The following RELN variants were observed in gnomAD, a reference collection of about 807,000 sequenced individuals.
The protein encoded by RELN is reelin.
RELN carries 108 observed loss-of-function variants against 427.6 expected under a neutral mutation model. The observed-to-expected ratio is 0.25, with a 90% CI of 0.22 to 0.30. RELN has a LOEUF of 0.30. Ranked by LOEUF, RELN falls within the 10% of genes least tolerant of loss-of-function variation. The probability of loss-of-function intolerance (pLI) is 1.00; values close to 1 mark genes in which losing one functional copy is unlikely to be tolerated. For synonymous variants in RELN, 1,524 were observed against 1,513.4 expected, an observed-to-expected ratio of 1.01 and a Z score of -0.16; for missense variants, 3,715 against 4,302.8, an observed-to-expected ratio of 0.86 and a Z score of 3.82.
intron 57 of RELN, among the ~76,000 whole-genome samples, chr7:103,494,828 T>C (rs2528870): frequency 0.1 from 15,827 of 151,960 alleles, 1,238 homozygotes; most frequent in African/African-American, 0.22. Context: ...ACAGGACTAA[T>C]GTAGTATAGG....
rs362707 is a variant in RELN, at chr7:103,535,605, C to T, written c.7181-121G>A. ...AAATGTCAGTTTGATTTTTTCCCTA[C>T]ACTTATATTTCCTGCTTTGAAATGC... On this transcript the variant is annotated intron_variant, in intron 45 of 64. Coordinates refer to ENST00000428762, the MANE Select transcript of RELN (RefSeq NM_005045.4). 615,827 of 889,692 alleles carry T rather than the reference C, an allele frequency of 0.69. 216,583 individuals carry two copies. The highest frequency in any genetic ancestry group is 0.73 in the Non-Finnish European group (414,566 of 567,482). The allele number at this position is 889,692 out of a possible 1,614,324, so 55.1% of individuals were successfully genotyped here. A position where few individuals can be genotyped will look rare whatever the true frequency, so the allele number is the denominator to read the frequency against.
At chr7:103,494,832 G>C (rs1003943673) in intron 57 of RELN, among the ~76,000 whole-genome samples, 8 of 151,968 alleles carry the variant, frequency 5.3e-5, no homozygotes, top group Admixed American at 6.6e-5. Context: ...GACTAATGTA[G>C]TATAGGCATA....
chr7:103,561,143 T>C (rs1229245926), intron 36 of RELN, among the ~76,000 whole-genome samples: 1 of 152,112 alleles, frequency 6.6e-6, no homozygotes, highest in Non-Finnish European at 1.5e-5. Flanking sequence ...CAAATGGTTC[T>C]ATTGGCAGAA....
intron 8 of RELN, among the ~76,000 whole-genome samples, chr7:103,713,193 T>C (rs1355633023): frequency 2.6e-5 from 4 of 152,214 alleles, no homozygotes; most frequent in Non-Finnish European, 5.9e-5. Flanking sequence ...CAGAACCTTA[T>C]TGAGGATTCC....
chr7:103,493,834 T>C (rs1828743908), intron 57 of RELN, among the ~76,000 whole-genome samples: 1 of 152,114 alleles, frequency 6.6e-6, no homozygotes, highest in African/African-American at 2.4e-5. Flanking sequence ...AAACTGTTGA[T>C]ATTGGGTACG....
intron 10 of RELN, among the ~76,000 whole-genome samples, chr7:103,684,085 T>C (rs1833710984): frequency 6.6e-6 from 1 of 152,186 alleles, no homozygotes; most frequent in South Asian, 2.1e-4. Flanking sequence ...GGGATGGTCT[T>C]AGTGAAACCA....
At chr7:103,773,368 TCC>T (rs35347728) in intron 4 of RELN, among the ~76,000 whole-genome samples, 15,117 of 39,896 alleles carry the variant, frequency 0.38, 4,930 homozygotes, top group South Asian at 0.59. Context: ...TCTCTCTCTC[TCC>T]CTCCCTCCCT....
chr7:103,923,968 C>A (rs192033445), intron 1 of RELN, among the ~76,000 whole-genome samples: 1 of 152,078 alleles, frequency 6.6e-6, no homozygotes, highest in African/African-American at 2.4e-5. Context: ...TATAATTATA[C>A]CCCTTTTACC....
chr7:103,489,877 G>C lies in RELN; in HGVS notation c.9628C>G (p.Gln3210Glu), dbSNP rs757568270. ...SSSATQFRWIQKGEETEKQSW... is the reference protein window; with the variant it reads ...SSSATQFRWIEKGEETEKQSW... ...TGCTTCTCAGTTTCTTCTCCCTTCT[G>C]GATCCAGCGGAACTGTGTTGCACTG... is the stretch of plus-strand genomic sequence containing the variant. Residue 3210 changes from glutamine (Q) to glutamate (E), a missense_variant, in exon 60 of 65, where the codon CAG becomes GAG. Gln to Glu is a conservative substitution (Grantham distance 29). Coordinates refer to ENST00000428762, the MANE Select transcript of RELN (RefSeq NM_005045.4). The C allele has an allele frequency of 2.5e-6, 4 of 1,614,018 alleles. No individual in the cohort carries two copies. In the African/African-American group the frequency reaches 5.3e-5, roughly 22 times the overall value.
intron 3 of RELN, among the ~76,000 whole-genome samples, chr7:103,801,766 GA>G (rs1792474247): frequency 4.0e-5 from 6 of 151,238 alleles, no homozygotes; most frequent in Non-Finnish European, 7.4e-5. Flanking sequence ...CCCCACTAAT[GA>G]TAGTACCCAC....
intron 1 of RELN, among the ~76,000 whole-genome samples, chr7:103,982,298 T>C (rs1446241715): frequency 6.6e-6 from 1 of 152,086 alleles, no homozygotes; most frequent in Admixed American, 6.5e-5. Flanking sequence ...AGTTAAAAAA[T>C]ACTCACCTCC....
chr7:103,824,907 G>A lies in RELN; in HGVS notation c.473+8630C>T, dbSNP rs543744888. 6.6e-6 allele frequency among the ~76,000 whole-genome samples: 1 copy of A among 152,080 alleles called. No homozygotes were observed. Among genetic ancestry groups the A allele is most frequent in the African/African-American group, 2.4e-5 (1 of 41,484 alleles). On this transcript the variant is annotated intron_variant, in intron 3 of 64. Transcript: ENST00000428762. The surrounding 1 kb of genome is among the most constrained non-coding windows in gnomAD (Gnocchi z 4.4). ...AAAAGAAATATAGAGTGGTAGTATA[G>A]GATGGTGGTTTAAAGAACACGTTTT...
intron 3 of RELN, among the ~76,000 whole-genome samples, chr7:103,798,525 C>T (rs768650843): frequency 3.3e-5 from 5 of 152,128 alleles, no homozygotes; most frequent in Non-Finnish European, 5.9e-5. Flanking sequence ...AAGAATATAG[C>T]GGTTTGGCCT....
rs147914393 is a variant in RELN, at chr7:103,852,435, C to T, written c.338-18763G>A. On this transcript the variant is annotated intron_variant, in intron 2 of 64. Transcript: ENST00000428762. ...TGTCCTTTGGTAAATTATATGTAAA[C>T]TCTCCATGCTTCTCTTTTCTCACAT... 8.5e-3 allele frequency among the ~76,000 whole-genome samples: 1,293 copies of T among 152,280 alleles called. 8 individuals are homozygous for T. Among genetic ancestry groups the T allele is most frequent in the Non-Finnish European group, 0.012 (827 of 67,986 alleles).
At position 103,723,139 on chromosome 7, in the gene RELN, C is replaced by T. The variant is rs1246873642; in HGVS notation, c.805+1G>A. ...CGTTATAACTGCTAAAAAACACTTA[C>T]CAATGGAAAATTGGAGGACAGAAGC... On this transcript the variant is annotated splice_donor_variant, in intron 8 of 64. Coordinates refer to ENST00000428762, the MANE Select transcript of RELN (RefSeq NM_005045.4). LOFTEE classifies it high-confidence loss of function. 6.3e-7 allele frequency: 1 copy of T among 1,585,438 alleles called. No individual in the cohort carries two copies. Among genetic ancestry groups the T allele is most frequent in the Non-Finnish European group, 8.7e-7 (1 of 1,154,432 alleles).
Position 103,652,615 on chromosome 7 carries a change from T to C in RELN, c.1699A>G (p.Thr567Ala), listed in dbSNP as rs1832944054. The C allele has an allele frequency of 1.2e-6, 2 of 1,612,758 alleles. No individual in the cohort carries two copies. Among genetic ancestry groups the C allele is most frequent in the African/African-American group, 1.3e-5 (1 of 74,812 alleles). The change falls in exon 14 of 65, where the codon ACA becomes GCA. Residue 567 changes from threonine to alanine, a missense_variant. Physicochemically the swap from Thr to Ala is moderately conservative, Grantham distance 58. Coordinates refer to ENST00000428762, the MANE Select transcript of RELN (RefSeq NM_005045.4). The part of the protein sequence containing the change: ...FFHVLPVLPS[T>A]MSHMIQFSIN... Reference sequence around the variant, plus strand: ...GAAAACTGTATCATGTGAGACATTGTAGAAGGGAGAACAGGCAAGACATGG... The same window carrying C: ...GAAAACTGTATCATGTGAGACATTGCAGAAGGGAGAACAGGCAAGACATGG...
rs1795500406 is a variant in RELN at position 103,917,123 on chromosome 7, T to C, written c.289A>G (p.Ser97Gly). 4 of 1,613,602 alleles carry C rather than the reference T, an allele frequency of 2.5e-6. No individual in the cohort carries two copies. The African/African-American group carries it at 5.3e-5, about 22-fold the overall frequency. The change falls in exon 2 of 65, where the codon AGT (serine) becomes GGT (glycine). Residue 97 changes from serine to glycine, a missense_variant. By Grantham distance (56) the Ser-to-Gly change is moderately conservative. Transcript: ENST00000428762. ...CCAATGCTCTGTGATGCCTGAACAC[T>C]TGTAGATGTGTATAGTCCTGTCACC... The part of the protein sequence containing the change: ...LLVTGLYTST[S>G]VQASQSIGGS...
At chr7:103,836,929 C>T (rs1294794699) in intron 2 of RELN, among the ~76,000 whole-genome samples, 1 of 152,166 alleles carries the variant, frequency 6.6e-6, no homozygotes, top group African/African-American at 2.4e-5. Flanking sequence ...CATCTAGTAC[C>T]TTACACATAG....
intron 38 of RELN, among the ~76,000 whole-genome samples, chr7:103,555,113 T>C (rs1357683636): frequency 6.6e-6 from 1 of 152,278 alleles, no homozygotes; most frequent in East Asian, 1.9e-4. Flanking sequence ...GCTATAGTAT[T>C]TGATTCAGTG....
Sources: allele counts gnomAD v4.1 joint callset (sites outside exome capture counted in the v4.1 genomes callset), GRCh38; gene constraint gnomAD v4.1.1; non-coding constraint Gnocchi (gnomAD v3.1); transcripts MANE v1.5; gene names NCBI Gene and HGNC (gene_info 2026-07-23, HGNC 2026-07-21).